Variants in ACTR3C observed in about 807,000 individuals in gnomAD.
ACTR3C encodes actin related protein 3C.
ACTR3C carries 18 observed loss-of-function variants against 26.3 expected under a neutral mutation model. The ratio of observed to expected loss-of-function variants is 0.68; its 90% CI spans 0.47 to 1.01. ACTR3C has a LOEUF of 1.01. ACTR3C is among the 50% of genes least tolerant of loss of function. ACTR3C has a pLI of 0.00. For synonymous variants in ACTR3C, 55 were observed against 94.5 expected, an observed-to-expected ratio of 0.58 and a Z score of 2.42; for missense variants, 184 against 250.7, an observed-to-expected ratio of 0.73 and a Z score of 1.80.
the ACTR3C span, among the ~76,000 whole-genome samples, chr7:150,080,241 CT>C: frequency 6.6e-6 from 1 of 150,536 alleles, no homozygotes; most frequent in Non-Finnish European, 1.5e-5. Flanking sequence ...TCTACAAAAG[CT>C]CAAAGTCATC....
chr7:150,043,686 T>C, the ACTR3C span, among the ~76,000 whole-genome samples: 1 of 152,350 alleles, frequency 6.6e-6, no homozygotes, highest in South Asian at 2.1e-4. Flanking sequence ...ACTGGTCCTA[T>C]TGGTGATGAG....
chr7:150,172,559 C>A, the ACTR3C span, among the ~76,000 whole-genome samples: 7 of 150,256 alleles, frequency 4.7e-5, no homozygotes, highest in South Asian at 1.2e-3. Context: ...CGAACCATAT[C>A]ATTCCATCCC....
At chr7:150,133,191 T>TGTTA in the ACTR3C span, among the ~76,000 whole-genome samples, 14 of 152,200 alleles carry the variant, frequency 9.2e-5, no homozygotes, top group African/African-American at 3.4e-4. Context: ...GAGACACTGA[T>TGTTA]GTTAGGTTGG....
At chr7:150,042,140 T>G in the ACTR3C span, among the ~76,000 whole-genome samples, 205 of 10,324 alleles carry the variant, frequency 0.02, no homozygotes, top group Non-Finnish European at 0.023. Flanking sequence ...TAAGAGCCAG[T>G]GGGGGAACCA....
the ACTR3C span, among the ~76,000 whole-genome samples, chr7:150,142,441 C>A: frequency 2.0e-5 from 3 of 152,186 alleles, no homozygotes; most frequent in South Asian, 6.2e-4. Context: ...CCCAGCCCTG[C>A]GCCTGCCTCA....
In ACTR3C at chr7:150,273,524, C is replaced by A. The variant is rs1229003801; in HGVS notation, c.564+11229G>T. ...GGCTCAAGCAATTCTGCCTTGGCCT[C>A]CCGAAGTGATGGGATTACAGAGGCG... On this transcript the variant is annotated intron_variant, in intron 6 of 7. Coordinates refer to ENST00000683684, the MANE Select transcript of ACTR3C (RefSeq NM_001164458.2). Among the ~76,000 whole-genome samples the A allele has an allele frequency of 2.0e-5, 3 of 151,160 alleles. No individual in the cohort carries two copies. In the East Asian group the frequency reaches 5.8e-4, roughly 29 times the overall value.
At chr7:150,009,847 C>T in the ACTR3C span, among the ~76,000 whole-genome samples, 1 of 152,214 alleles carries the variant, frequency 6.6e-6, no homozygotes, top group African/African-American at 2.4e-5. Context: ...TCTTACACTC[C>T]ATGTTTGCTC....
At chr7:150,255,242 ATTTTTTTTTTTTT>A (rs745713614) in intron 6 of ACTR3C, among the ~76,000 whole-genome samples, 7 of 85,610 alleles carry the variant, frequency 8.2e-5, no homozygotes, top group Non-Finnish European at 1.2e-4. Flanking sequence ...TTTGTAGGGG[ATTTTTTTTTTTTT>A]TTTTTTTTTT....
At chr7:149,964,903 A>G in the ACTR3C span, among the ~76,000 whole-genome samples, 3 of 152,110 alleles carry the variant, frequency 2.0e-5, no homozygotes, top group African/African-American at 7.2e-5. Flanking sequence ...AACCTAGGTT[A>G]AATTTAGGAG....
downstream of ACTR3C, chr7:150,244,256 A>G (rs1239499264): frequency 4.4e-4 from 43 of 97,750 alleles, no homozygotes; most frequent in African/African-American, 2.2e-3. Context: ...TGAATATTCA[A>G]TATAGTCTTA....
chr7:150,029,330 T>C, the ACTR3C span, among the ~76,000 whole-genome samples: 2 of 138,146 alleles, frequency 1.4e-5, no homozygotes, highest in African/African-American at 5.4e-5. Flanking sequence ...GAGACCGAGG[T>C]GGGAGGACTG....
downstream of ACTR3C, chr7:150,244,399 G>C (rs115393153): frequency 9.7e-4 from 147 of 151,148 alleles, no homozygotes; most frequent in African/African-American, 3.4e-3. Context: ...GATCTCTCTA[G>C]GTTTGTGGAA....
the ACTR3C span, among the ~76,000 whole-genome samples, chr7:149,939,675 A>C: frequency 9.3e-5 from 14 of 150,548 alleles, no homozygotes; most frequent in Non-Finnish European, 1.5e-5. Context: ...CAGATACCTC[A>C]CTGGGTTATC....
the ACTR3C span, among the ~76,000 whole-genome samples, chr7:150,097,146 A>G: frequency 2.9e-4 from 44 of 152,044 alleles, no homozygotes; most frequent in African/African-American, 1.0e-3. Context: ...GGGTGCTTGC[A>G]TAGCAATAGC....
At chr7:150,073,779 A>G in the ACTR3C span, 1 of 152,036 alleles carries the variant, frequency 6.6e-6, no homozygotes, top group Non-Finnish European at 1.5e-5. Context: ...ATAATTTTAA[A>G]AATAGAATAT....
the ACTR3C span, among the ~76,000 whole-genome samples, chr7:149,923,890 C>T: frequency 1.0e-3 from 152 of 151,714 alleles, no homozygotes; most frequent in African/African-American, 3.4e-3. Context: ...CCCAGCTCCT[C>T]GGGAGGCTGA....
At chr7:149,881,619 A>AGGAGGCAGAGTT in the ACTR3C span, 1 of 153,358 alleles carries the variant, frequency 6.5e-6, no homozygotes, top group Non-Finnish European at 1.5e-5. Flanking sequence ...ATGAGGCTGC[A>AGGAGGCAGAGTT]GGAGGCAGAG....
At chr7:150,213,342 A>G in the ACTR3C span, among the ~76,000 whole-genome samples, 2 of 152,184 alleles carry the variant, frequency 1.3e-5, no homozygotes, top group Non-Finnish European at 2.9e-5. Context: ...TGAGTTTGCC[A>G]TGTCCCGTAG....
At position 150,268,082 on chromosome 7, in the gene ACTR3C, T is replaced by C. The variant is rs1834180635; in HGVS notation, c.564+16671A>G. The stretch of plus-strand genomic sequence containing the variant: ...GGCAGGAATGGCCTTGCTGAAAAGG[T>C]GGCATCGGGGACTTAAATGAGAAGA... On this transcript the variant is annotated intron_variant, in intron 6 of 7. Transcript: ENST00000683684. Among the ~76,000 whole-genome samples the C allele has an allele frequency of 2.6e-5, 4 of 152,048 alleles. No individual in the cohort carries two copies. The South Asian group carries it at 8.3e-4, about 32-fold the overall frequency.
Sources: gnomAD v4.1 joint callset for allele counts (sites outside exome capture counted in the v4.1 genomes callset) on GRCh38, gnomAD v4.1.1 for gene constraint, MANE v1.5 for transcripts, NCBI Gene and HGNC (gene_info 2026-07-23, HGNC 2026-07-21) for gene names.